GRIK1: variants seen among roughly 807,000 people sequenced by gnomAD.
GRIK1 encodes glutamate receptor ionotropic, kainate 1.
In GRIK1, 69 loss-of-function variants were observed where a neutral mutation model predicts 105.7. The ratio of observed to expected loss-of-function variants is 0.65; its 90% CI spans 0.54 to 0.80. The LOEUF (loss-of-function observed/expected upper bound fraction) is 0.80. Among genes scored for constraint, GRIK1 ranks in the 30% least tolerant of loss-of-function variants. The probability of loss-of-function intolerance (pLI) is 0.00; values close to 1 mark genes in which losing one functional copy is unlikely to be tolerated. For missense variants in GRIK1, 1,109 were observed against 1,167.3 expected (o/e 0.95, Z 0.73); for synonymous variants, 438 against 431.3 (o/e 1.02, Z -0.19).
chr21:29,902,549 A>T (rs1424457687), intron 1 of GRIK1, among the ~76,000 whole-genome samples: 1 of 152,188 alleles, frequency 6.6e-6, no homozygotes, highest in African/African-American at 2.4e-5. Flanking sequence ...CACAATTGCT[A>T]CTAAAAGAAT....
Position 29,697,916 on chromosome 21 carries a change from T to TTCTC in GRIK1, c.119-3857_119-3854dup, listed in dbSNP as rs755237929. ...TTTCCTTTCTCTTTTCTTTCTTTCT[T>TTCTC]TCTCTCTCTCTCTCTTTCTTTCTTT... is the stretch of plus-strand genomic sequence containing the variant. On this transcript the variant is annotated intron_variant, in intron 1 of 17. Coordinates refer to ENST00000327783, the MANE Select transcript of GRIK1 (RefSeq NM_001330994.2). Among the ~76,000 whole-genome samples the TTCTC allele has an allele frequency of 1.5e-3, 203 of 132,564 alleles. 1 individual carries two copies. Among genetic ancestry groups the TTCTC allele is most frequent in the African/African-American group, 6.7e-3 (186 of 27,838 alleles). 87.0% of individuals were successfully genotyped at this position (132,564 alleles called of 152,430 possible).
At chr21:29,781,325 C>T (rs1406266689) in intron 1 of GRIK1, among the ~76,000 whole-genome samples, 1 of 152,148 alleles carries the variant, frequency 6.6e-6, no homozygotes, top group African/African-American at 2.4e-5. Context: ...TTCTTCCATC[C>T]CACCTTAATT....
At chr21:29,827,089 G>T (rs930537022) in intron 1 of GRIK1, among the ~76,000 whole-genome samples, 8 of 152,036 alleles carry the variant, frequency 5.3e-5, no homozygotes, top group African/African-American at 1.9e-4. Context: ...TTTTCAATTT[G>T]TTCAAACTCA....
At chr21:29,846,035 C>T (rs953250657) in intron 1 of GRIK1, among the ~76,000 whole-genome samples, 4 of 152,108 alleles carry the variant, frequency 2.6e-5, no homozygotes, top group African/African-American at 4.8e-5. Flanking sequence ...TTTTCCTCAG[C>T]CTCCTTTGCG....
intron 1 of GRIK1, among the ~76,000 whole-genome samples, chr21:29,923,914 G>A (rs913677376): frequency 6.6e-6 from 1 of 152,148 alleles, no homozygotes; most frequent in Admixed American, 6.5e-5. Context: ...GATATGCAAA[G>A]TAGACTCTAA....
chr21:29,586,992 A>C (rs1302761329), intron 12 of GRIK1, among the ~76,000 whole-genome samples: 1 of 152,112 alleles, frequency 6.6e-6, no homozygotes, highest in East Asian at 1.9e-4. Context: ...TGTTTTGCTT[A>C]TCCAAATATT....
intron 1 of GRIK1, among the ~76,000 whole-genome samples, chr21:29,826,058 G>A (rs1569135112): frequency 6.6e-6 from 1 of 152,100 alleles, no homozygotes; most frequent in Non-Finnish European, 1.5e-5. Context: ...TGAGAAAAGT[G>A]TAATGCACAG....
chr21:29,794,859 T>A (rs150940845), intron 1 of GRIK1, among the ~76,000 whole-genome samples: 57 of 152,078 alleles, frequency 3.7e-4, no homozygotes, highest in African/African-American at 1.3e-3. Flanking sequence ...CTTCATTCAC[T>A]CCATTTACTC....
At chr21:29,867,928 G>GAA (rs367616718) in intron 1 of GRIK1, among the ~76,000 whole-genome samples, 6,945 of 130,032 alleles carry the variant, frequency 0.053, 461 homozygotes, top group African/African-American at 0.14. Context: ...AAGAGAGAAA[G>GAA]AGAGAGAAAG....
intron 1 of GRIK1, among the ~76,000 whole-genome samples, chr21:29,709,428 C>A (rs1271715658): frequency 6.6e-6 from 1 of 151,698 alleles, no homozygotes; most frequent in Non-Finnish European, 1.5e-5. Flanking sequence ...TTACAGGTGC[C>A]CGCCACCATG....
At chr21:29,665,953 A>G (rs2063050988) in intron 4 of GRIK1, among the ~76,000 whole-genome samples, 1 of 152,230 alleles carries the variant, frequency 6.6e-6, no homozygotes, top group African/African-American at 2.4e-5. Flanking sequence ...AATACCAGAT[A>G]AATGGTAGTT....
intron 4 of GRIK1, among the ~76,000 whole-genome samples, chr21:29,671,783 C>T (rs1174639328): frequency 6.6e-6 from 1 of 152,074 alleles, no homozygotes; most frequent in Non-Finnish European, 1.5e-5. Flanking sequence ...AAGAGATGGC[C>T]GGCAGACCAC....
In GRIK1 at chr21:29,644,708, C is replaced by T. The variant is rs1431018838; in HGVS notation, c.955-1739G>A. Among the ~76,000 whole-genome samples, 5 of 152,182 alleles carry T rather than the reference C, an allele frequency of 3.3e-5. No individual in the cohort carries two copies. The South Asian group carries it at 1.0e-3, about 32-fold the overall frequency. ...TTCATTGCCAGGGTTTGAGCCTGCA[C>T]CTGCCTGATTCTAGCACCCATGATC... is the stretch of plus-strand genomic sequence containing the variant. On this transcript the variant is annotated intron_variant, in intron 6 of 17. Coordinates refer to ENST00000327783, the MANE Select transcript of GRIK1 (RefSeq NM_001330994.2).
intron 1 of GRIK1, among the ~76,000 whole-genome samples, chr21:29,861,311 T>TG (rs1393217237): frequency 6.6e-6 from 1 of 151,116 alleles, no homozygotes; most frequent in Non-Finnish European, 1.5e-5. Context: ...TACTTACTCT[T>TG]TTTTTTTCTT....
At chr21:29,846,944 C>T (rs368945922) in intron 1 of GRIK1, among the ~76,000 whole-genome samples, 1 of 152,086 alleles carries the variant, frequency 6.6e-6, no homozygotes, top group South Asian at 2.1e-4. Context: ...TATTCAAATA[C>T]ACATGTCAAG....
At chr21:29,894,304 G>T (rs1030876261) in intron 1 of GRIK1, among the ~76,000 whole-genome samples, 1 of 152,122 alleles carries the variant, frequency 6.6e-6, no homozygotes, top group Admixed American at 6.5e-5. Context: ...AAGTAGGGAA[G>T]CCAACAGTAC....
In GRIK1 at chr21:29,878,248, T is replaced by G. The variant is rs141768895; in HGVS notation, c.118+61135A>C. Reference sequence around the variant, plus strand: ...AAGACAGCAGGCAAAAGAGGTCACCTATAGCCTCAGCAAGGGTTAATAAGG... The same window carrying G: ...AAGACAGCAGGCAAAAGAGGTCACCGATAGCCTCAGCAAGGGTTAATAAGG... On this transcript the variant is annotated intron_variant, in intron 1 of 17. Coordinates refer to ENST00000327783, the MANE Select transcript of GRIK1 (RefSeq NM_001330994.2). Among the ~76,000 whole-genome samples the G allele has an allele frequency of 1.6e-3, 250 of 152,274 alleles. 1 individual carries two copies. The highest frequency in any genetic ancestry group is 8.1e-3 in the South Asian group (39 of 4,826).
At chr21:29,784,485 G>A (rs1331295363) in intron 1 of GRIK1, among the ~76,000 whole-genome samples, 1 of 151,950 alleles carries the variant, frequency 6.6e-6, no homozygotes, top group Non-Finnish European at 1.5e-5. Context: ...GTTGTTTGGG[G>A]TAGTATTTAA....
chr21:29,932,664 C>G (rs1326165809), intron 1 of GRIK1, among the ~76,000 whole-genome samples: 1 of 151,890 alleles, frequency 6.6e-6, no homozygotes. Flanking sequence ...TTTGATACAA[C>G]TTGATCTCAG....
Sources: gnomAD v4.1 joint callset for allele counts (sites outside exome capture counted in the v4.1 genomes callset) on GRCh38, gnomAD v4.1.1 for gene constraint, MANE v1.5 for transcripts, NCBI Gene and HGNC (gene_info 2026-07-23, HGNC 2026-07-21) for gene names.